HERC3: variants seen among roughly 807,000 people sequenced by gnomAD.
HERC3 encodes the protein probable E3 ubiquitin-protein ligase HERC3.
In HERC3, 58 loss-of-function variants were observed where a neutral mutation model predicts 129.9. That is an observed-to-expected ratio of 0.45 (90% CI 0.36 to 0.56). The LOEUF is 0.56. Ranked by LOEUF, HERC3 falls within the 20% of genes least tolerant of loss-of-function variation. HERC3 has a pLI of 0.00. For missense variants in HERC3, 835 were observed against 1,244.2 expected, an observed-to-expected ratio of 0.67 and a Z score of 4.95; for synonymous variants, 430 against 451.0, an observed-to-expected ratio of 0.95 and a Z score of 0.59.
the HERC3 span, among the ~76,000 whole-genome samples, chr4:88,575,216 T>G: frequency 5.3e-5 from 8 of 152,214 alleles, no homozygotes; most frequent in African/African-American, 1.9e-4. Context: ...GAATATACAC[T>G]TCTGTATCCT....
chr4:88,584,737 A>C, the HERC3 span, among the ~76,000 whole-genome samples: 1 of 152,230 alleles, frequency 6.6e-6, no homozygotes, highest in Non-Finnish European at 1.5e-5. Flanking sequence ...CAGCACCTTG[A>C]TAATGAATTT....
At position 88,687,264 on chromosome 4, in the gene HERC3, T is replaced by C. The variant is rs1404158277; in HGVS notation, c.2622T>C (p.Pro874=). ...YGVIEQKKLI[P]GGDNVTVCKD... ...TGATTGAACAGAAGAAGCTGATACCTGGGGGAGATAATGTAACTGTGTGCA... is the reference window on the plus strand; with the variant it reads ...TGATTGAACAGAAGAAGCTGATACCCGGGGGAGATAATGTAACTGTGTGCA... Residue 874 remains proline (P), a synonymous_variant, in exon 23 of 26, where the codon CCT becomes CCC. Coordinates refer to ENST00000402738, the MANE Select transcript of HERC3 (RefSeq NM_014606.3). 2.5e-6 allele frequency: 4 copies of C among 1,612,832 alleles called. No individual in the cohort carries two copies. In the African/African-American group the frequency reaches 4.0e-5, roughly 16 times the overall value.
chr4:88,524,076 G>C, the HERC3 span: 1 of 291,044 alleles, frequency 3.4e-6, no homozygotes, highest in East Asian at 7.3e-5. Flanking sequence ...TTGGACCTAC[G>C]TGGTTACCTC....
chr4:88,662,772 G>A (rs945023867), intron 11 of HERC3, among the ~76,000 whole-genome samples: 2 of 152,084 alleles, frequency 1.3e-5, no homozygotes, highest in South Asian at 2.1e-4. Flanking sequence ...CACAGTATAT[G>A]CCTCAACCTG....
the HERC3 span, among the ~76,000 whole-genome samples, chr4:88,531,182 T>A: frequency 6.6e-6 from 1 of 151,408 alleles, no homozygotes; most frequent in South Asian, 2.1e-4. Flanking sequence ...AAAAATTTTT[T>A]AAATTTTTAA....
intron 21 of HERC3, among the ~76,000 whole-genome samples, chr4:88,683,763 T>G (rs142600453): frequency 1.9e-3 from 289 of 152,342 alleles, no homozygotes; most frequent in African/African-American, 5.9e-3. Flanking sequence ...TATTCTTTAG[T>G]TAGTGTGACA....
chr4:88,549,868 A>C, the HERC3 span, among the ~76,000 whole-genome samples: 1 of 152,076 alleles, frequency 6.6e-6, no homozygotes, highest in African/African-American at 2.4e-5. Flanking sequence ...GCATGATAGA[A>C]ATCTAAGTAC....
intron 23 of HERC3, among the ~76,000 whole-genome samples, chr4:88,700,132 G>A (rs949429494): frequency 2.6e-5 from 4 of 151,510 alleles, no homozygotes; most frequent in Non-Finnish European, 5.9e-5. Flanking sequence ...ATTGATTTAT[G>A]TTGTTGTATA....
At position 88,618,168 on chromosome 4, in the gene HERC3, C is replaced by T. The variant is rs146334953; in HGVS notation, c.226+12119C>T. Among the ~76,000 whole-genome samples, 508 of 152,272 alleles carry T rather than the reference C, an allele frequency of 3.3e-3. 2 individuals carry two copies. Among genetic ancestry groups the T allele is most frequent in the African/African-American group, 0.012 (484 of 41,558 alleles). The stretch of plus-strand genomic sequence containing the variant: ...ACTAATTATGGAATGTTTTTATTTT[C>T]TTTGAGGTGCTATGTAATAGGGATA... On this transcript the variant is annotated intron_variant, in intron 3 of 25. Coordinates refer to ENST00000402738, the MANE Select transcript of HERC3 (RefSeq NM_014606.3).
Position 88,662,483 on chromosome 4 carries a change from G to A in HERC3, c.1199G>A (p.Ser400Asn). 1 of 1,613,392 alleles carries A rather than the reference G, an allele frequency of 6.2e-7. No individual in the cohort carries two copies. The highest frequency in any genetic ancestry group is 8.5e-7 in the Non-Finnish European group (1 of 1,179,464). The change falls in exon 11 of 26, where the codon AGT becomes AAT. Residue 400 changes from serine to asparagine, a missense_variant. Transcript: ENST00000402738. ...ACTATGAACCAAGCACATTATACCA[G>A]TTTAATAAATGATGAAACCATAGCA... ...FRTMNQAHYT[S>N]LINDETIAVW...
At chr4:88,656,059 T>A in intron 9 of HERC3, 24 bp downstream of exon 9, 1 of 1,610,628 alleles carries the variant, frequency 6.2e-7, no homozygotes, top group Non-Finnish European at 8.5e-7. Context: ...TCTCTGGAAT[T>A]TAAAGGTATT....
chr4:88,524,255 C>T, the HERC3 span, among the ~76,000 whole-genome samples: 6 of 152,310 alleles, frequency 3.9e-5, no homozygotes, highest in East Asian at 5.8e-4. Flanking sequence ...GAAGGAAGGG[C>T]CTAGGCCTCT....
At chr4:88,643,473 C>T (rs547158702) in intron 3 of HERC3, among the ~76,000 whole-genome samples, 1 of 152,198 alleles carries the variant, frequency 6.6e-6, no homozygotes, top group South Asian at 2.1e-4. Flanking sequence ...AAGGAATCAC[C>T]TGATTTTAAG....
At chr4:88,604,844 T>C (rs1458026504) in intron 2 of HERC3, among the ~76,000 whole-genome samples, 1 of 152,244 alleles carries the variant, frequency 6.6e-6, no homozygotes, top group African/African-American at 2.4e-5. Context: ...CCAGACATTT[T>C]TATAAGCCAA....
chr4:88,610,484 C>T (rs918518302), intron 3 of HERC3, among the ~76,000 whole-genome samples: 4 of 151,936 alleles, frequency 2.6e-5, no homozygotes, highest in Admixed American at 1.3e-4. Context: ...ACGCCTTACC[C>T]GTCTGGGAAT....
At chr4:88,692,383 A>G (rs992250713) in intron 23 of HERC3, among the ~76,000 whole-genome samples, 2 of 152,112 alleles carry the variant, frequency 1.3e-5, no homozygotes, top group African/African-American at 4.8e-5. Flanking sequence ...GGCAGAGAGT[A>G]GAGTAAAGAG....
chr4:88,597,635 G>A (rs1722543984), intron 2 of HERC3, among the ~76,000 whole-genome samples: 2 of 152,156 alleles, frequency 1.3e-5, no homozygotes, highest in Non-Finnish European at 2.9e-5. Context: ...AGTCTCGTTG[G>A]TGTCTTTTGA....
At chr4:88,661,628 A>G (rs1730500086) in intron 10 of HERC3, among the ~76,000 whole-genome samples, 1 of 152,242 alleles carries the variant, frequency 6.6e-6, no homozygotes, top group Non-Finnish European at 1.5e-5. Flanking sequence ...GAAAACAAGC[A>G]ATTTTAGAAA....
chr4:88,691,561 C>T (rs537855711), intron 23 of HERC3, among the ~76,000 whole-genome samples: 1 of 152,314 alleles, frequency 6.6e-6, no homozygotes, highest in African/African-American at 2.4e-5. Context: ...GCTCTCATGA[C>T]TCTTATAAGG....
Sources: gnomAD v4.1 joint callset for allele counts (sites outside exome capture counted in the v4.1 genomes callset) on GRCh38, gnomAD v4.1.1 for gene constraint, MANE v1.5 for transcripts, NCBI Gene and HGNC (gene_info 2026-07-23, HGNC 2026-07-21) for gene names.